Variants in ACOT8 observed in about 807,000 individuals in gnomAD.
The protein encoded by ACOT8 is acyl-CoA thioesterase 8.
A neutral mutation model predicts 38.4 loss-of-function variants in ACOT8; 31 were observed. The observed-to-expected ratio is 0.81, with a 90% CI of 0.61 to 1.09. The LOEUF is 1.09. ACOT8 is among the 50% of genes least tolerant of loss of function. The pLI, the probability that ACOT8 is intolerant of heterozygous loss-of-function variation, is 0.00. For missense variants in ACOT8, 373 were observed against 421.8 expected, an observed-to-expected ratio of 0.88 and a Z score of 1.01; for synonymous variants, 158 against 170.3, an observed-to-expected ratio of 0.93 and a Z score of 0.56.
rs763479356 is a variant in ACOT8, at chr20:45,844,421, CT to C, written c.489-2del. ...GTACCTCTTTTGGAGGTTAGGGTCCCTGAAAGTAAAGGGAAGAGGGTCGGGG... is the reference window on the plus strand; with the variant it reads ...GTACCTCTTTTGGAGGTTAGGGTCCCGAAAGTAAAGGGAAGAGGGTCGGGG... On this transcript the variant is annotated splice_acceptor_variant, in intron 3 of 5. Transcript: ENST00000217455. LOFTEE classifies it high-confidence loss of function. The C allele has an allele frequency of 2.5e-6, 4 of 1,613,810 alleles. No homozygotes were observed. The South Asian group carries it at 4.4e-5, about 18-fold the overall frequency.
intron 2 of ACOT8, among the ~76,000 whole-genome samples, chr20:45,852,415 C>G (rs1432770404): frequency 6.6e-6 from 1 of 151,808 alleles, no homozygotes; most frequent in Non-Finnish European, 1.5e-5. Flanking sequence ...TTGACCTCAG[C>G]CGATCTGCCC....
intron 2 of ACOT8, among the ~76,000 whole-genome samples, chr20:45,849,834 C>T (rs1984951046): frequency 6.6e-6 from 1 of 152,152 alleles, no homozygotes; most frequent in African/African-American, 2.4e-5. Context: ...AATGGGAATG[C>T]TCTGTAGTGG....
intron 1 of ACOT8, among the ~76,000 whole-genome samples, chr20:45,855,493 CT>C (rs1985355190): frequency 6.6e-6 from 1 of 152,214 alleles, no homozygotes; most frequent in Admixed American, 6.5e-5. Context: ...TGGCTTACAT[CT>C]GTAATCCCAG....
chr20:45,856,703 G>T (rs1309629651), intron 1 of ACOT8, among the ~76,000 whole-genome samples: 1 of 152,206 alleles, frequency 6.6e-6, no homozygotes, highest in Non-Finnish European at 1.5e-5. Context: ...AACCCTTGCT[G>T]CAGTCAAGAA....
rs41282772 is a variant in ACOT8 at position 45,843,513 on chromosome 20, G to A, written c.841+14C>T. The A allele has an allele frequency of 5.3e-3, 8,483 of 1,606,822 alleles. 33 individuals carry two copies. The highest frequency in any genetic ancestry group is 6.5e-3 in the Non-Finnish European group (7,683 of 1,175,840). On this transcript the variant is annotated intron_variant, in intron 5 of 5. Coordinates refer to ENST00000217455, the MANE Select transcript of ACOT8 (RefSeq NM_005469.4). The stretch of plus-strand genomic sequence containing the variant: ...CAAGGTCAGTGCCCTTGTCCCACAC[G>A]GCCCCACACTCACCGGCCCAGGGGC...
chr20:45,842,205 AGT>A, intron 5 of ACOT8: 1 of 1,449,794 alleles, frequency 6.9e-7, no homozygotes, highest in South Asian at 1.4e-5. Context: ...GGGTGCACTG[AGT>A]GTCGTGGCTG....
chr20:45,843,937 C>T (rs1040955373), intron 4 of ACOT8: 82 of 995,266 alleles, frequency 8.2e-5, no homozygotes, highest in Admixed American at 1.4e-4. Flanking sequence ...CTTCACCACC[C>T]AAGTCTCCCA....
chr20:45,844,016 G>T, intron 4 of ACOT8: 1 of 784,818 alleles, frequency 1.3e-6, no homozygotes, highest in South Asian at 1.6e-5. Context: ...CAGCAAAGCT[G>T]GACAACAACC....
chr20:45,847,764 A>C (rs140526682), intron 3 of ACOT8: 1 of 151,244 alleles, frequency 6.6e-6, no homozygotes, highest in African/African-American at 2.4e-5. Flanking sequence ...TATAAACAAC[A>C]ACAAAATATA....
intron 3 of ACOT8, among the ~76,000 whole-genome samples, chr20:45,846,135 C>T (rs555348042): frequency 6.6e-6 from 1 of 152,180 alleles, no homozygotes; most frequent in Non-Finnish European, 1.5e-5. Flanking sequence ...CCACTGCGCC[C>T]GGACCTATTT....
rs143528954 is a variant in ACOT8 at position 45,844,274 on chromosome 20, C to T, written c.635G>A (p.Arg212Gln). Residue 212 changes from arginine (R) to glutamine (Q), a missense_variant, in exon 4 of 6, where the codon CGG (arginine) becomes CAG (glutamine). Physicochemically the swap from Arg to Gln is conservative, Grantham distance 43 (BLOSUM62 1). Coordinates refer to ENST00000217455, the MANE Select transcript of ACOT8 (RefSeq NM_005469.4). The stretch of plus-strand genomic sequence containing the variant: ...TGGGGTACTCTTACCAATATAGCCC[C>T]GGGCTCGCACCCAGAACATCTGTTT... ...EPKQMFWVRA[R>Q]GYIGEGDMKM... 4.0e-5 allele frequency: 64 copies of T among 1,614,180 alleles called. No individual in the cohort carries two copies. The highest frequency in any genetic ancestry group is 1.6e-4 in the Middle Eastern group (1 of 6,062).
chr20:45,841,894 A>C lies in ACOT8; in HGVS notation c.904T>G (p.Cys302Gly). 1.2e-6 allele frequency: 2 copies of C among 1,611,976 alleles called. No individual in the cohort carries two copies. The highest frequency in any genetic ancestry group is 3.3e-5 in the Admixed American group (2 of 59,838). Residue 302 changes from cysteine to glycine, a missense_variant, in exon 6 of 6, where the codon TGT becomes GGT. By Grantham distance (159) the Cys-to-Gly change is radical (BLOSUM62 -3). Transcript: ENST00000217455. ...ACTCGGATCACGCCCTCCTGGGCAC[A>C]GGTCACAGCTAGGACTCCATCCTGA... ...WRQDGVLAVT[C>G]AQEGVIRVKP...
chr20:45,843,514 G>GCC lies in ACOT8; in HGVS notation c.841+11_841+12dup, dbSNP rs1568734442. 2 of 1,607,616 alleles carry GCC rather than the reference G, an allele frequency of 1.2e-6. No individual in the cohort carries two copies. The highest frequency in any genetic ancestry group is 1.3e-5 in the African/African-American group (1 of 74,888). ...AAGGTCAGTGCCCTTGTCCCACACG[G>GCC]CCCCACACTCACCGGCCCAGGGGCT... On this transcript the variant is annotated intron_variant, in intron 5 of 5. Coordinates refer to ENST00000217455, the MANE Select transcript of ACOT8 (RefSeq NM_005469.4).
At position 45,857,241 on chromosome 20, in the gene ACOT8, G is replaced by GACA; in HGVS notation, c.74_75insTGT (p.Val26dup). ...GGTTGAGCACGGTCGTGACCAAGAC[G>GACA]CTACGGAGGTCCCCAGGGGGATCGC... On this transcript the variant is annotated inframe_insertion, in exon 1 of 6. Transcript: ENST00000217455. The GACA allele has an allele frequency of 6.2e-7, 1 of 1,613,736 alleles. No homozygotes were observed. Among genetic ancestry groups the GACA allele is most frequent in the Admixed American group, 1.7e-5 (1 of 60,030 alleles).
intron 2 of ACOT8, among the ~76,000 whole-genome samples, chr20:45,852,021 G>A (rs950311779): frequency 6.6e-6 from 1 of 151,720 alleles, no homozygotes. Flanking sequence ...ATGGAGTCTC[G>A]ATCTGTCGCC....
chr20:45,848,929 C>G, intron 2 of ACOT8: 2 of 402,564 alleles, frequency 5.0e-6, no homozygotes. Flanking sequence ...ATCCTGGCTC[C>G]ACCACTCACC....
At position 45,857,274 on chromosome 20, in the gene ACOT8, G is replaced by C; in HGVS notation, c.42C>G (p.Gly14=). Residue 14 remains glycine, a synonymous_variant, in exon 1 of 6, where the codon GGC becomes GGG. Coordinates refer to ENST00000217455, the MANE Select transcript of ACOT8 (RefSeq NM_005469.4). The stretch of plus-strand genomic sequence containing the variant: ...GGTCCCCAGGGGGATCGCCGCGGTC[G>C]CCACAGCCCTGCCCATCTTCTGGGG... ...PQAPEDGQGC[G]DRGDPPGDLR... The C allele has an allele frequency of 1.2e-6, 2 of 1,612,346 alleles. No individual in the cohort carries two copies. Among genetic ancestry groups the C allele is most frequent in the South Asian group, 2.2e-5 (2 of 90,838 alleles).
In ACOT8 at chr20:45,844,031, C is replaced by A. The variant is rs1169672736; in HGVS notation, c.646+232G>T. ...CAGCAAAGCTGGACAACAACCCCAG[C>A]GAGGTGCCTTTTGCCTTCCTCAGAA... On this transcript the variant is annotated intron_variant, in intron 4 of 5. Transcript: ENST00000217455. 4 of 786,326 alleles carry A rather than the reference C, an allele frequency of 5.1e-6. No individual in the cohort carries two copies. The East Asian group carries it at 1.1e-4, about 21-fold the overall frequency. The allele number at this position is 786,326 out of a possible 1,614,324, so 48.7% of individuals were successfully genotyped here. A position where few individuals can be genotyped will look rare whatever the true frequency, so the allele number is the denominator to read the frequency against.
intron 4 of ACOT8, 135 bp from the exon 5 acceptor site, chr20:45,843,856 G>A (rs1984464472): frequency 5.1e-5 from 74 of 1,452,556 alleles, no homozygotes; most frequent in Non-Finnish European, 6.7e-5. Flanking sequence ...CCTACAGTGT[G>A]TGTGTGTGAT....
Sources: allele counts gnomAD v4.1 joint callset (sites outside exome capture counted in the v4.1 genomes callset), GRCh38; gene constraint gnomAD v4.1.1; transcripts MANE v1.5; gene names NCBI Gene and HGNC (gene_info 2026-07-23, HGNC 2026-07-21).